Variants in CLEC2A observed in about 807,000 individuals in gnomAD.
CLEC2A encodes C-type lectin domain family 2 member A.
A neutral mutation model predicts 18.6 loss-of-function variants in CLEC2A; 19 were observed. That is an observed-to-expected ratio of 1.02 (90% CI 0.71 to 1.50). The LOEUF (loss-of-function observed/expected upper bound fraction) is 1.50, where lower values mean the gene tolerates loss of function less well. CLEC2A is among the 40% of genes most tolerant of loss of function. CLEC2A has a pLI of 0.00. For synonymous variants in CLEC2A, 74 were observed against 64.0 expected (o/e 1.16, Z -0.75); for missense variants, 190 against 207.9 (o/e 0.91, Z 0.53).
At chr12:9,882,705 C>T in the CLEC2A span, among the ~76,000 whole-genome samples, 12,691 of 152,118 alleles carry the variant, frequency 0.083, 692 homozygotes, top group Non-Finnish European at 0.13. Flanking sequence ...CGCTTGAACC[C>T]GGGAGACGGA....
intron 4 of CLEC2A, among the ~76,000 whole-genome samples, chr12:9,916,438 G>C (rs1391186174): frequency 1.3e-5 from 2 of 152,088 alleles, no homozygotes; most frequent in Admixed American, 6.6e-5. Flanking sequence ...TGTCAAGCAA[G>C]AGCTTGATAA....
At chr12:9,922,542 G>A (rs1863191496) in intron 2 of CLEC2A, among the ~76,000 whole-genome samples, 1 of 152,150 alleles carries the variant, frequency 6.6e-6, no homozygotes, top group South Asian at 2.1e-4. Flanking sequence ...CTGCAATCAA[G>A]GTAGAGTGCT....
the CLEC2A span, among the ~76,000 whole-genome samples, chr12:9,891,783 A>T: frequency 6.6e-6 from 1 of 152,190 alleles, no homozygotes; most frequent in African/African-American, 2.4e-5. Flanking sequence ...AGGTCATAAT[A>T]ACCTTCTTCA....
downstream of CLEC2A, chr12:9,913,170 T>A (rs1863013255): frequency 4.1e-6 from 1 of 241,054 alleles, no homozygotes; most frequent in African/African-American, 2.3e-5. Context: ...GTCTATATAG[T>A]ATGTTATAAT....
chr12:9,916,885 A>G (rs1162203844), intron 3 of CLEC2A, 82 bp from the exon 4 acceptor site: 6 of 784,588 alleles, frequency 7.6e-6, no homozygotes, highest in African/African-American at 1.7e-5. Flanking sequence ...CAATTATTCT[A>G]TCTTTTAGGA....
intron 4 of CLEC2A, chr12:9,898,990 C>A (rs1161809947): frequency 2.8e-6 from 2 of 711,922 alleles, no homozygotes; most frequent in African/African-American, 1.7e-5. Flanking sequence ...AAAGCAAGAA[C>A]AGACAAACCG....
the CLEC2A span, among the ~76,000 whole-genome samples, chr12:9,886,354 A>C: frequency 6.6e-6 from 1 of 152,316 alleles, no homozygotes; most frequent in African/African-American, 2.4e-5. Flanking sequence ...AGAAAAGATA[A>C]CAAAATAGAG....
At chr12:9,888,054 C>CAAAAAAAAAAAAAAAAAAAAA in the CLEC2A span, among the ~76,000 whole-genome samples, 1 of 65,528 alleles carries the variant, frequency 1.5e-5, no homozygotes, top group Non-Finnish European at 2.6e-5. Flanking sequence ...GACCCTGTGT[C>CAAAAAAAAAAAAAAAAAAAAA]AAAAAAAAAA....
In CLEC2A at chr12:9,932,281, G is replaced by T. The variant is rs990945330; in HGVS notation, c.49C>A (p.Arg17=). 6.5e-7 allele frequency: 1 copy of T among 1,550,022 alleles called. No individual in the cohort carries two copies. Among genetic ancestry groups the T allele is most frequent in the African/African-American group, 1.4e-5 (1 of 73,048 alleles). ...TTCACTCTATAAAACTTACCTATCCGATGTATGAAGCCATCAGCTCTGCCA... is the reference window on the plus strand; with the variant it reads ...TTCACTCTATAAAACTTACCTATCCTATGTATGAAGCCATCAGCTCTGCCA... ...RDGRADGFIH[R]IVPKLIQNWK... Residue 17 remains arginine, a synonymous_variant, in exon 1 of 5, where the codon CGG becomes AGG. Coordinates refer to ENST00000455827, the MANE Select transcript of CLEC2A (RefSeq NM_001130711.2).
chr12:9,930,499 C>T (rs749084996), intron 1 of CLEC2A, among the ~76,000 whole-genome samples: 9 of 152,014 alleles, frequency 5.9e-5, no homozygotes, highest in Non-Finnish European at 1.3e-4. Context: ...CTCGTCTTTT[C>T]TAATAGCCAC....
downstream of CLEC2A, among the ~76,000 whole-genome samples, chr12:9,911,904 A>G (rs900909898): frequency 6.6e-6 from 1 of 152,174 alleles, no homozygotes; most frequent in East Asian, 1.9e-4. Flanking sequence ...GTTACTGGCC[A>G]TGCCCCCAGG....
chr12:9,908,773 C>G (rs564195751), downstream of CLEC2A, among the ~76,000 whole-genome samples: 3 of 152,188 alleles, frequency 2.0e-5, no homozygotes, highest in East Asian at 1.9e-4. Context: ...GCTTGGCCCC[C>G]CTGTGTTCTT....
chr12:9,882,019 T>C, the CLEC2A span, among the ~76,000 whole-genome samples: 1 of 151,974 alleles, frequency 6.6e-6, no homozygotes, highest in African/African-American at 2.4e-5. Context: ...CTTATATATA[T>C]ATTTATGCTT....
chr12:9,890,990 C>T, the CLEC2A span, among the ~76,000 whole-genome samples: 1 of 151,300 alleles, frequency 6.6e-6, no homozygotes, highest in African/African-American at 2.4e-5. Context: ...ACTTTAATTG[C>T]ATTTGGTTAA....
chr12:9,919,008 T>C (rs900284366), intron 3 of CLEC2A, among the ~76,000 whole-genome samples: 4 of 152,226 alleles, frequency 2.6e-5, no homozygotes, highest in African/African-American at 9.6e-5. Context: ...AGGTTGCGCT[T>C]GGACGTATTT....
chr12:9,917,154 G>A (rs1173298978), intron 3 of CLEC2A, among the ~76,000 whole-genome samples: 2 of 152,084 alleles, frequency 1.3e-5, no homozygotes, highest in Non-Finnish European at 2.9e-5. Flanking sequence ...TTATGTGATG[G>A]CTTTAGTCAC....
downstream of CLEC2A, among the ~76,000 whole-genome samples, chr12:9,913,004 C>T (rs920751168): frequency 6.6e-6 from 1 of 152,214 alleles, no homozygotes; most frequent in Non-Finnish European, 1.5e-5. Flanking sequence ...AACAAGGCAG[C>T]TTTGATACAA....
At chr12:9,894,042 CTT>C (rs756508226), downstream of CLEC2A, among the ~76,000 whole-genome samples, 1 of 150,780 alleles carries the variant, frequency 6.6e-6, no homozygotes, top group Non-Finnish European at 1.5e-5. Context: ...CTTTCTTTTT[CTT>C]TCTTTCTTTC....
downstream of CLEC2A, among the ~76,000 whole-genome samples, chr12:9,912,815 C>A (rs1032521635): frequency 2.6e-5 from 4 of 152,150 alleles, no homozygotes; most frequent in Non-Finnish European, 5.9e-5. Flanking sequence ...CCTCAGTGGG[C>A]AGACTGGTGG....
Sources: allele counts gnomAD v4.1 joint callset (sites outside exome capture counted in the v4.1 genomes callset), GRCh38; gene constraint gnomAD v4.1.1; transcripts MANE v1.5; gene names NCBI Gene and HGNC (gene_info 2026-07-23, HGNC 2026-07-21).